GLP2R: variants seen among roughly 807,000 people sequenced by gnomAD.
The protein encoded by GLP2R is glucagon-like peptide 2 receptor.
GLP2R carries 59 observed loss-of-function variants against 68.2 expected under a neutral mutation model. That is an observed-to-expected ratio of 0.87 (90% CI 0.70 to 1.07). GLP2R has a LOEUF of 1.07. GLP2R is among the 50% of genes least tolerant of loss of function. The probability of loss-of-function intolerance (pLI) is 0.00; values close to 1 mark genes in which losing one functional copy is unlikely to be tolerated. For synonymous variants in GLP2R, 270 were observed against 265.4 expected (o/e 1.02, Z -0.17); for missense variants, 548 against 677.4 (o/e 0.81, Z 2.12).
chr17:9,835,609 G>A (rs1245000818), intron 2 of GLP2R, among the ~76,000 whole-genome samples: 6 of 152,128 alleles, frequency 3.9e-5, no homozygotes, highest in African/African-American at 4.8e-5. Flanking sequence ...TCCGCTGGTC[G>A]TTTTGTACAT....
intron 12 of GLP2R, among the ~76,000 whole-genome samples, 153 bp from the exon 13 acceptor site, chr17:9,889,217 A>G (rs1264292166): frequency 6.6e-6 from 1 of 152,184 alleles, no homozygotes; most frequent in African/African-American, 2.4e-5. Context: ...ACCACCAGAC[A>G]TGTTTATGTA....
chr17:9,832,667 G>T (rs2066691398), intron 1 of GLP2R, among the ~76,000 whole-genome samples: 2 of 152,128 alleles, frequency 1.3e-5, no homozygotes, highest in South Asian at 4.1e-4. Context: ...GGAGGCAGGG[G>T]TTGCAGTGAG....
chr17:9,868,602 G>A (rs7218460), intron 9 of GLP2R, among the ~76,000 whole-genome samples: 1,843 of 152,232 alleles, frequency 0.012, 42 homozygotes, highest in African/African-American at 0.042. Flanking sequence ...CCATCCAAAA[G>A]TACCTGCTGA....
At chr17:9,851,940 G>A (rs939594461) in intron 4 of GLP2R, among the ~76,000 whole-genome samples, 11 of 149,274 alleles carry the variant, frequency 7.4e-5, no homozygotes, top group African/African-American at 2.5e-4. Context: ...AAGTAAAAAA[G>A]TATAAAATAA....
At position 9,836,131 on chromosome 17, in the gene GLP2R, C is replaced by T. The variant is rs539266649; in HGVS notation, c.278-240C>T. Among the ~76,000 whole-genome samples, 7 of 152,144 alleles carry T rather than the reference C, an allele frequency of 4.6e-5. No individual in the cohort carries two copies. The East Asian group carries it at 5.8e-4, about 13-fold the overall frequency. ...TGATGTGTACATTGACGTAATTGAC[C>T]GGAGGTCAAGTTGGGCAGACGAATG... On this transcript the variant is annotated intron_variant, in intron 2 of 12. Transcript: ENST00000262441.
In GLP2R at chr17:9,890,258, GA is replaced by G; in HGVS notation, c.*554del. ...CCTTGGAGAACACTGGGCAGGGTGA[GA>G]GGGAGCTAGAAGCGCCCCCATGTGG... On this transcript the variant is annotated 3_prime_UTR_variant, in exon 13 of 13. Coordinates refer to ENST00000262441, the MANE Select transcript of GLP2R (RefSeq NM_004246.3). 2.9e-6 allele frequency: 1 copy of G among 349,436 alleles called. No homozygotes were observed. The highest frequency in any genetic ancestry group is 5.6e-6 in the Non-Finnish European group (1 of 178,774). The allele number at this position is 349,436 out of a possible 1,614,324, so 21.6% of individuals were successfully genotyped here.
At chr17:9,874,087 A>T (rs747645430) in intron 10 of GLP2R, among the ~76,000 whole-genome samples, 1 of 152,356 alleles carries the variant, frequency 6.6e-6, no homozygotes, top group Non-Finnish European at 1.5e-5. Flanking sequence ...AAGAGGACAG[A>T]TAAAAATTAA....
chr17:9,859,871 C>T (rs1199630477), intron 6 of GLP2R, 71 bp from the exon 7 acceptor site: 2 of 901,142 alleles, frequency 2.2e-6, no homozygotes, highest in East Asian at 6.3e-5. Flanking sequence ...CTCTGGGAGG[C>T]CCTTCTCCCC....
At chr17:9,828,494 A>G (rs1405431620) in intron 1 of GLP2R, among the ~76,000 whole-genome samples, 1 of 152,232 alleles carries the variant, frequency 6.6e-6, no homozygotes, top group Non-Finnish European at 1.5e-5. Flanking sequence ...GCCCTGAGAC[A>G]GCGCTCAGGA....
chr17:9,848,747 A>C (rs2066863751), intron 4 of GLP2R, among the ~76,000 whole-genome samples: 1 of 152,104 alleles, frequency 6.6e-6, no homozygotes, highest in African/African-American at 2.4e-5. Context: ...TTGCCCAAAA[A>C]AGGCCAGTGT....
At chr17:9,838,120 C>G (rs527480144) in intron 3 of GLP2R, among the ~76,000 whole-genome samples, 10 of 152,076 alleles carry the variant, frequency 6.6e-5, no homozygotes, top group Non-Finnish European at 1.2e-4. Flanking sequence ...CTCGCTGGAT[C>G]GGAGGACTCT....
intron 3 of GLP2R, among the ~76,000 whole-genome samples, chr17:9,837,447 G>A (rs1381079930): frequency 1.3e-5 from 2 of 150,880 alleles, no homozygotes; most frequent in South Asian, 2.1e-4. Context: ...GTCATGGAGA[G>A]GAGAAACAGG....
intron 9 of GLP2R, among the ~76,000 whole-genome samples, chr17:9,867,143 C>T (rs1167911458): frequency 6.6e-6 from 1 of 152,132 alleles, no homozygotes; most frequent in African/African-American, 2.4e-5. Context: ...AGCCTGGGCC[C>T]AATTTTGGGG....
chr17:9,850,499 C>G (rs943885377), intron 4 of GLP2R, among the ~76,000 whole-genome samples: 1 of 152,108 alleles, frequency 6.6e-6, no homozygotes, highest in African/African-American at 2.4e-5. Context: ...CCTTGGAAGT[C>G]ACCTTCAATC....
At chr17:9,853,182 A>G in intron 4 of GLP2R, 1 of 410,564 alleles carries the variant, frequency 2.4e-6, no homozygotes, top group Non-Finnish European at 4.5e-6. Flanking sequence ...ATTCTTAAAG[A>G]TAAGTGGTGT....
chr17:9,872,285 G>A (rs2067101961), intron 10 of GLP2R, among the ~76,000 whole-genome samples: 1 of 152,180 alleles, frequency 6.6e-6, no homozygotes, highest in South Asian at 2.1e-4. Flanking sequence ...GGAATAAAAG[G>A]TGGACATGAG....
In GLP2R at chr17:9,881,631, C is replaced by T. The variant is rs575200656; in HGVS notation, c.1284+1115C>T. ...TCCTGACCTCGTGATCCGCCCGCCT[C>T]GGCCTCCCAAAGTGCTGGGATTACA... On this transcript the variant is annotated intron_variant, in intron 11 of 12. Transcript: ENST00000262441. 3.7e-5 allele frequency among the ~76,000 whole-genome samples: 5 copies of T among 135,602 alleles called. 1 individual carries two copies. Among genetic ancestry groups the T allele is most frequent in the South Asian group, 2.1e-4 (1 of 4,806 alleles). The allele number at this position is 135,602 out of a possible 152,430, so 89.0% of individuals were successfully genotyped here. A position where few individuals can be genotyped will look rare whatever the true frequency, so the allele number is the denominator to read the frequency against.
rs777717769 is a variant in GLP2R, at chr17:9,889,400, C to A, written c.1357C>A (p.Arg453Ser). 1.2e-6 allele frequency: 2 copies of A among 1,613,808 alleles called. No homozygotes were observed. The highest frequency in any genetic ancestry group is 3.3e-5 in the Admixed American group (2 of 60,026). The stretch of plus-strand genomic sequence containing the variant: ...GGCTGAGCTGCGGAAATACTGGGTC[C>A]GCTTCTTGCTAGCCCGCCACTCAGG... ...VKAELRKYWV[R>S]FLLARHSGCR... Residue 453 changes from arginine (R) to serine (S), a missense_variant, in exon 13 of 13, where the codon CGC (arginine) becomes AGC (serine). Arg to Ser is a moderately radical substitution (Grantham distance 110). Coordinates refer to ENST00000262441, the MANE Select transcript of GLP2R (RefSeq NM_004246.3).
At chr17:9,878,262 TCTC>T (rs755657278) in intron 10 of GLP2R, among the ~76,000 whole-genome samples, 3 of 152,086 alleles carry the variant, frequency 2.0e-5, no homozygotes, top group Non-Finnish European at 2.9e-5. Context: ...TGTTGCCAGA[TCTC>T]CTCATTTTTC....
Sources: allele counts gnomAD v4.1 joint callset (sites outside exome capture counted in the v4.1 genomes callset), GRCh38; gene constraint gnomAD v4.1.1; transcripts MANE v1.5; gene names NCBI Gene and HGNC (gene_info 2026-07-23, HGNC 2026-07-21).